Variants in SCN1A observed in about 807,000 individuals in gnomAD.
SCN1A encodes the protein sodium channel protein type 1 subunit alpha.
Under a neutral mutation model 193.7 loss-of-function variants are expected in SCN1A, and 13 were observed. The ratio of observed to expected loss-of-function variants is 0.07; its 90% CI spans 0.04 to 0.11. The LOEUF is 0.11. SCN1A is among the 10% of genes least tolerant of loss of function. SCN1A has a pLI of 1.00. For missense variants in SCN1A, 1,432 were observed against 2,451.1 expected, an observed-to-expected ratio of 0.58 and a Z score of 8.78; for synonymous variants, 781 against 843.6, an observed-to-expected ratio of 0.93 and a Z score of 1.29.
chr2:166,144,029 T>A (rs1402508770), intron 1 of SCN1A, among the ~76,000 whole-genome samples: 1 of 152,184 alleles, frequency 6.6e-6, no homozygotes, highest in Non-Finnish European at 1.5e-5. Flanking sequence ...TCAAGTGAAA[T>A]AAAGTGAAAC....
At chr2:166,037,668 A>G in intron 18 of SCN1A, 108 bp downstream of exon 18, 3 of 960,694 alleles carry the variant, frequency 3.1e-6, no homozygotes, top group Non-Finnish European at 3.3e-6. Flanking sequence ...TTTTTTTATT[A>G]TACTTTAAGT....
chr2:166,083,567 T>C (rs528671750), intron 2 of SCN1A, among the ~76,000 whole-genome samples: 1 of 152,102 alleles, frequency 6.6e-6, no homozygotes, highest in East Asian at 1.9e-4. Flanking sequence ...AGAAATACAG[T>C]ACATAGTTTT....
intron 2 of SCN1A, among the ~76,000 whole-genome samples, chr2:166,080,683 A>G (rs904342212): frequency 1.3e-5 from 2 of 151,560 alleles, no homozygotes; most frequent in Admixed American, 6.6e-5. Flanking sequence ...ATCATGGGGG[A>G]AAAAAAAGAT....
rs1697471861 is a variant in SCN1A, at chr2:166,043,906, C to T, written c.1806G>A (p.Glu602=). The change falls in exon 14 of 29, where the codon GAG becomes GAA. Residue 602 remains glutamate (E), a synonymous_variant. Transcript: ENST00000674923. ...GCACAAACAAGGAATCTCTACGGCTCTCGTTATCCTCAAAGGTGCTGTGCT... is the reference window on the plus strand; with the variant it reads ...GCACAAACAAGGAATCTCTACGGCTTTCGTTATCCTCAAAGGTGCTGTGCT... ...DDEHSTFEDN[E]SRRDSLFVPR... 1 of 1,614,064 alleles carries T rather than the reference C, an allele frequency of 6.2e-7. No homozygotes were observed.
At chr2:166,050,658 T>C (rs902112762) in intron 9 of SCN1A, among the ~76,000 whole-genome samples, 1 of 142,952 alleles carries the variant, frequency 7.0e-6, no homozygotes, top group African/African-American at 2.6e-5. Context: ...TATTTTTTTT[T>C]TGTAGAGAAG....
chr2:166,087,381 G>A (rs987198882), intron 2 of SCN1A, among the ~76,000 whole-genome samples: 6 of 152,128 alleles, frequency 3.9e-5, no homozygotes, highest in East Asian at 1.9e-4. Context: ...CAGGAGAATC[G>A]CTTGAACCTG....
At chr2:166,090,364 A>G (rs1452976983) in intron 2 of SCN1A, among the ~76,000 whole-genome samples, 2 of 152,190 alleles carry the variant, frequency 1.3e-5, no homozygotes, top group African/African-American at 4.8e-5. Flanking sequence ...TCTAAAGATG[A>G]AACTGCTACA....
chr2:166,125,861 A>G (rs929559225), intron 2 of SCN1A, among the ~76,000 whole-genome samples: 2 of 152,170 alleles, frequency 1.3e-5, no homozygotes, highest in African/African-American at 4.8e-5. Flanking sequence ...GACTCTCCAG[A>G]CAGCACATTT....
At chr2:166,006,798 T>C (rs1193388500) in intron 23 of SCN1A, among the ~76,000 whole-genome samples, 3 of 151,274 alleles carry the variant, frequency 2.0e-5, no homozygotes, top group Admixed American at 6.6e-5. Flanking sequence ...ACTGATGGTA[T>C]CTAACTGGTA....
intron 2 of SCN1A, among the ~76,000 whole-genome samples, chr2:166,085,073 C>A (rs759636995): frequency 1.7e-4 from 26 of 152,146 alleles, no homozygotes; most frequent in Non-Finnish European, 3.2e-4. Context: ...GTATATGAGT[C>A]CTAGATAAAT....
chr2:166,116,022 A>ATTTAG (rs1689818907), intron 2 of SCN1A, among the ~76,000 whole-genome samples: 2 of 152,248 alleles, frequency 1.3e-5, no homozygotes, highest in African/African-American at 4.8e-5. Context: ...AGGTCTTCAC[A>ATTTAG]GAAATGCAAT....
At chr2:166,013,343 T>G (rs1692799549) in intron 21 of SCN1A, among the ~76,000 whole-genome samples, 1 of 151,430 alleles carries the variant, frequency 6.6e-6, no homozygotes, top group African/African-American at 2.4e-5. Context: ...CTACTGTCCA[T>G]CAAGAGATAA....
At chr2:166,119,370 T>A (rs1690280088) in intron 2 of SCN1A, among the ~76,000 whole-genome samples, 1 of 152,198 alleles carries the variant, frequency 6.6e-6, no homozygotes. Context: ...GCCATTCCAT[T>A]TGATAATCTA....
intron 23 of SCN1A, 91 bp from the exon 24 acceptor site, chr2:166,002,844 C>CT (rs925537656): frequency 3.8e-6 from 4 of 1,053,290 alleles, no homozygotes; most frequent in African/African-American, 3.2e-5. Flanking sequence ...TCTTTCCATT[C>CT]TTTTTTTCTA....
chr2:166,092,441 G>T lies in SCN1A; in HGVS notation c.-141-14640C>A, dbSNP rs1686908486. ...AAGCTTTTGGTACCTAAGGGACTGA[G>T]TCGATTCATGCAGGTATTGGTTTGT... is the stretch of plus-strand genomic sequence containing the variant. On this transcript the variant is annotated intron_variant, in intron 2 of 28. Transcript: ENST00000674923. The T allele has an allele frequency of 1.3e-5, 2 of 152,220 alleles. 1 individual carries two copies. Among genetic ancestry groups the T allele is most frequent in the South Asian group, 4.1e-4 (2 of 4,836 alleles). The allele number at this position is 152,220 out of a possible 1,614,324, so 9.4% of individuals were successfully genotyped here.
chr2:166,041,336 A>G lies in SCN1A; in HGVS notation c.2310T>C (p.Val770=), dbSNP rs1697144683. Residue 770 remains valine (V), a synonymous_variant, in exon 16 of 29, where the codon GTT becomes GTC. Coordinates refer to ENST00000674923, the MANE Select transcript of SCN1A (RefSeq NM_001165963.4). ...CAATACAGATGGTGATGGCCAGGTC[A>G]ACAAATGGGTCCATCACAACCAGGT... ...VVNLVVMDPF[V]DLAITICIVL... is the part of the protein sequence containing the mutation. 6.2e-7 allele frequency: 1 copy of G among 1,613,894 alleles called. No individual in the cohort carries two copies. Among genetic ancestry groups the G allele is most frequent in the Admixed American group, 1.7e-5 (1 of 60,030 alleles).
intron 1 of SCN1A, among the ~76,000 whole-genome samples, chr2:166,139,663 A>C (rs1692002893): frequency 6.6e-6 from 1 of 152,218 alleles, no homozygotes. Flanking sequence ...TAATCATGGC[A>C]GAAGATGAAA....
At chr2:166,143,336 T>G (rs1218530601) in intron 1 of SCN1A, among the ~76,000 whole-genome samples, 2 of 151,782 alleles carry the variant, frequency 1.3e-5, no homozygotes, top group African/African-American at 2.4e-5. Context: ...CCGGCTAATT[T>G]TTTGTATTTT....
At chr2:166,010,226 A>G (rs1692248629) in intron 22 of SCN1A, among the ~76,000 whole-genome samples, 1 of 151,154 alleles carries the variant, frequency 6.6e-6, no homozygotes, top group Non-Finnish European at 1.5e-5. Flanking sequence ...TAGTTATAAA[A>G]TACAAAAACT....
Sources: gnomAD v4.1 joint callset for allele counts (sites outside exome capture counted in the v4.1 genomes callset) on GRCh38, gnomAD v4.1.1 for gene constraint, MANE v1.5 for transcripts, NCBI Gene and HGNC (gene_info 2026-07-23, HGNC 2026-07-21) for gene names.